Variants in HERC3 observed in about 807,000 individuals in gnomAD.
HERC3 encodes the protein HECT and RLD domain containing E3 ubiquitin protein ligase 3, also known as probable E3 ubiquitin-protein ligase HERC3.
A neutral mutation model predicts 129.9 loss-of-function variants in HERC3; 58 were observed. The ratio of observed to expected loss-of-function variants is 0.45; its 90% CI spans 0.36 to 0.56. The LOEUF (loss-of-function observed/expected upper bound fraction) is 0.56, where lower values mean the gene tolerates loss of function less well. Ranked by LOEUF, HERC3 falls within the 20% of genes least tolerant of loss-of-function variation. HERC3 has a pLI of 0.00. For missense variants in HERC3, 835 were observed against 1,244.2 expected, an observed-to-expected ratio of 0.67 and a Z score of 4.95; for synonymous variants, 430 against 451.0, an observed-to-expected ratio of 0.95 and a Z score of 0.59.
At chr4:88,657,898 G>C (rs1004522647) in intron 9 of HERC3, among the ~76,000 whole-genome samples, 2 of 152,092 alleles carry the variant, frequency 1.3e-5, no homozygotes, top group Non-Finnish European at 2.9e-5. Flanking sequence ...GCCAGGGGCA[G>C]CAGAGGGGGG....
intron 10 of HERC3, 130 bp downstream of exon 10, chr4:88,658,621 A>G (rs2149283195): frequency 4.1e-6 from 2 of 490,012 alleles, no homozygotes; most frequent in East Asian, 6.6e-5. Context: ...TATTTTTAAA[A>G]TAAGCAAACT....
intron 3 of HERC3, among the ~76,000 whole-genome samples, chr4:88,612,328 G>GTGT (rs1560675041): frequency 7.2e-5 from 7 of 97,876 alleles, no homozygotes; most frequent in African/African-American, 3.4e-4. Flanking sequence ...TGTGTGTGTG[G>GTGT]TAAGAAGGAG....
At position 88,664,182 on chromosome 4, in the gene HERC3, C is replaced by T; in HGVS notation, c.1301C>T (p.Ala434Val). 1 of 1,612,954 alleles carries T rather than the reference C, an allele frequency of 6.2e-7. No homozygotes were observed. Among genetic ancestry groups the T allele is most frequent in the Non-Finnish European group, 8.5e-7 (1 of 1,179,378 alleles). The part of the protein sequence containing the change: ...NGVVQILSSA[A>V]CWNGSFLEKK... ...GTTGTTCAGATATTATCTTCTGCAG[C>T]CTGTTGGAATGGAAGTTTTCTTGAA... The change falls in exon 12 of 26, where the codon GCC becomes GTC. Residue 434 changes from alanine to valine, a missense_variant. Coordinates refer to ENST00000402738, the MANE Select transcript of HERC3 (RefSeq NM_014606.3).
the HERC3 span, among the ~76,000 whole-genome samples, chr4:88,580,963 CT>C: frequency 2.0e-5 from 3 of 152,050 alleles, no homozygotes; most frequent in Non-Finnish European, 4.4e-5. Flanking sequence ...GCATCATTTT[CT>C]GAAGAAAACA....
chr4:88,646,852 A>T (rs538757508), intron 3 of HERC3, among the ~76,000 whole-genome samples: 1 of 152,304 alleles, frequency 6.6e-6, no homozygotes, highest in Admixed American at 6.5e-5. Context: ...AGACTTGTGT[A>T]ACCAGTGGTT....
chr4:88,646,794 C>T (rs1479033065), intron 3 of HERC3, among the ~76,000 whole-genome samples: 2 of 152,142 alleles, frequency 1.3e-5, no homozygotes, highest in Non-Finnish European at 2.9e-5. Flanking sequence ...GATCTCCAGC[C>T]TGAATTAGAC....
chr4:88,618,328 G>A (rs1474490280), intron 3 of HERC3, among the ~76,000 whole-genome samples: 1 of 152,132 alleles, frequency 6.6e-6, no homozygotes, highest in Non-Finnish European at 1.5e-5. Context: ...AAAGCAATGG[G>A]GAATGCCTTT....
chr4:88,582,216 T>C, the HERC3 span, among the ~76,000 whole-genome samples: 1 of 151,502 alleles, frequency 6.6e-6, no homozygotes, highest in African/African-American at 2.4e-5. Context: ...CAGTATAACA[T>C]TGAAGCTTTA....
At chr4:88,569,667 C>T in the HERC3 span, among the ~76,000 whole-genome samples, 2 of 152,214 alleles carry the variant, frequency 1.3e-5, no homozygotes, top group African/African-American at 4.8e-5. Context: ...CATATATCCA[C>T]GTACCCATGA....
chr4:88,596,970 A>C (rs1031052370), intron 2 of HERC3, among the ~76,000 whole-genome samples: 9 of 152,222 alleles, frequency 5.9e-5, no homozygotes, highest in Non-Finnish European at 1.2e-4. Flanking sequence ...AACACTTTTT[A>C]AGATTTAGTT....
At chr4:88,693,636 A>C (rs1206514105) in intron 23 of HERC3, 3 of 979,054 alleles carry the variant, frequency 3.1e-6, no homozygotes, top group African/African-American at 1.8e-5. Flanking sequence ...TGTTATGCAA[A>C]TTTCACCTCA....
chr4:88,585,068 C>G, the HERC3 span, among the ~76,000 whole-genome samples: 1 of 152,170 alleles, frequency 6.6e-6, no homozygotes, highest in Non-Finnish European at 1.5e-5. Flanking sequence ...GGGTAAGGAC[C>G]TTTTGCTGGT....
the HERC3 span, among the ~76,000 whole-genome samples, chr4:88,544,015 G>A: frequency 4.6e-5 from 7 of 152,174 alleles, no homozygotes; most frequent in African/African-American, 1.7e-4. Context: ...CATGGGCAAA[G>A]ACTTCATGAC....
the HERC3 span, among the ~76,000 whole-genome samples, chr4:88,572,921 A>C: frequency 6.6e-6 from 1 of 152,198 alleles, no homozygotes; most frequent in African/African-American, 2.4e-5. Flanking sequence ...TAAATTCTTT[A>C]AAAATTGGTT....
At chr4:88,529,075 A>G in the HERC3 span, among the ~76,000 whole-genome samples, 3 of 152,212 alleles carry the variant, frequency 2.0e-5, no homozygotes, top group South Asian at 6.2e-4. Flanking sequence ...ACTCATAACA[A>G]CACAGAAAAT....
intron 23 of HERC3, chr4:88,692,957 G>T (rs1734230396): frequency 1.0e-6 from 1 of 984,982 alleles, no homozygotes; most frequent in Non-Finnish European, 1.2e-6. Flanking sequence ...ACTAGGTAAT[G>T]TTTTCAAAAA....
the HERC3 span, among the ~76,000 whole-genome samples, chr4:88,550,735 A>G: frequency 6.7e-6 from 1 of 149,696 alleles, no homozygotes; most frequent in South Asian, 2.1e-4. Context: ...ATTCAATGCC[A>G]TCCCCATCAA....
At chr4:88,571,740 T>A in the HERC3 span, among the ~76,000 whole-genome samples, 4 of 152,164 alleles carry the variant, frequency 2.6e-5, no homozygotes, top group African/African-American at 9.7e-5. Flanking sequence ...CAACCTATAT[T>A]TGTGGTATAA....
intron 3 of HERC3, among the ~76,000 whole-genome samples, chr4:88,631,820 T>C (rs1174867011): frequency 6.6e-6 from 1 of 152,222 alleles, no homozygotes; most frequent in Non-Finnish European, 1.5e-5. Flanking sequence ...ATTTAAAAAA[T>C]CTGGCCCTGA....
Sources: gnomAD v4.1 joint callset for allele counts (sites outside exome capture counted in the v4.1 genomes callset) on GRCh38, gnomAD v4.1.1 for gene constraint, MANE v1.5 for transcripts, NCBI Gene and HGNC (gene_info 2026-07-23, HGNC 2026-07-21) for gene names.